Variants in GGACT observed in about 807,000 individuals in gnomAD.
GGACT encodes gamma-glutamylamine cyclotransferase.
For missense variants in GGACT, 241 were observed against 233.2 expected (o/e 1.03, Z -0.22); for synonymous variants, 118 against 115.3 (o/e 1.02, Z -0.15).
At chr13:100,571,434 G>A (rs181139480) in intron 2 of GGACT, among the ~76,000 whole-genome samples, 1 of 152,324 alleles carries the variant, frequency 6.6e-6, no homozygotes, top group East Asian at 1.9e-4. Context: ...ATGCTGTGCA[G>A]CAGAAGAAAG....
At chr13:100,556,742 G>A (rs930801948) in intron 2 of GGACT, among the ~76,000 whole-genome samples, 4 of 152,114 alleles carry the variant, frequency 2.6e-5, no homozygotes, top group Non-Finnish European at 5.9e-5. Context: ...CATATTGCAT[G>A]CTTGTATCAA....
intron 2 of GGACT, among the ~76,000 whole-genome samples, chr13:100,546,385 GAAAT>G (rs1256741062): frequency 7.7e-5 from 10 of 129,280 alleles, no homozygotes; most frequent in African/African-American, 2.7e-4. Flanking sequence ...AAAAAAAAAA[GAAAT>G]ACGCATGTGT....
intron 2 of GGACT, among the ~76,000 whole-genome samples, chr13:100,573,884 CAA>C (rs34897728): frequency 3.4e-5 from 4 of 119,172 alleles, no homozygotes; most frequent in African/African-American, 1.0e-4. Flanking sequence ...ATCAAAAAGT[CAA>C]AAAAAAAAAA....
intron 2 of GGACT, among the ~76,000 whole-genome samples, chr13:100,569,566 G>A (rs1445913824): frequency 6.6e-6 from 1 of 152,184 alleles, no homozygotes; most frequent in Non-Finnish European, 1.5e-5. Flanking sequence ...TTCCCTCCTA[G>A]GTCTCCAGGC....
chr13:100,551,795 A>C (rs2088667152), intron 2 of GGACT, among the ~76,000 whole-genome samples: 1 of 152,140 alleles, frequency 6.6e-6, no homozygotes, highest in Non-Finnish European at 1.5e-5. Context: ...TATAACAATG[A>C]TTATACTTAT....
chr13:100,551,060 G>A (rs1321003298), intron 2 of GGACT, among the ~76,000 whole-genome samples: 1 of 152,122 alleles, frequency 6.6e-6, no homozygotes, highest in Non-Finnish European at 1.5e-5. Flanking sequence ...CGAGGCGGGT[G>A]GATCATGAGA....
chr13:100,586,506 C>T (rs1034661305), intron 1 of GGACT, among the ~76,000 whole-genome samples: 3 of 148,182 alleles, frequency 2.0e-5, no homozygotes, highest in Admixed American at 6.7e-5. Flanking sequence ...CCTCCTCTCG[C>T]GGAGTCCAGC....
intron 2 of GGACT, among the ~76,000 whole-genome samples, chr13:100,573,829 C>A (rs1277986409): frequency 6.9e-6 from 1 of 145,480 alleles, no homozygotes; most frequent in African/African-American, 2.5e-5. Context: ...AAATGAAAAT[C>A]AAAACCACAA....
chr13:100,569,413 G>A (rs1279060272), intron 2 of GGACT, among the ~76,000 whole-genome samples: 3 of 152,244 alleles, frequency 2.0e-5, no homozygotes, highest in Non-Finnish European at 4.4e-5. Context: ...CTTGGGGCTT[G>A]TACTCTCTGA....
chr13:100,545,894 G>T lies in GGACT; in HGVS notation c.-10-13293C>A, dbSNP rs774749418. Among the ~76,000 whole-genome samples, 1 of 152,168 alleles carries T rather than the reference G, an allele frequency of 6.6e-6. No individual in the cohort carries two copies. Among genetic ancestry groups the T allele is most frequent in the African/African-American group, 2.4e-5 (1 of 41,412 alleles). On this transcript the variant is annotated intron_variant, in intron 2 of 2. Transcript: ENST00000683975. This position sits in a 1 kb window ranked among gnomAD's most constrained non-coding sequence, Gnocchi z 4.4. ...CCATCATGTCCCTTCCTACACATGCGTCAGCCAACCACATACTCGGAAAAT... is the reference window on the plus strand; with the variant it reads ...CCATCATGTCCCTTCCTACACATGCTTCAGCCAACCACATACTCGGAAAAT...
intron 2 of GGACT, chr13:100,538,476 A>G (rs1183990934): frequency 6.6e-6 from 1 of 152,214 alleles, no homozygotes; most frequent in Non-Finnish European, 1.5e-5. Flanking sequence ...TATCATAACT[A>G]TTTTCAAGTG....
At chr13:100,575,805 A>C (rs1179402118) in intron 2 of GGACT, among the ~76,000 whole-genome samples, 1 of 152,186 alleles carries the variant, frequency 6.6e-6, no homozygotes, top group African/African-American at 2.4e-5. Flanking sequence ...CTACAGTTAA[A>C]GGGCATTCAA....
chr13:100,550,079 T>C (rs1289238079), intron 2 of GGACT, among the ~76,000 whole-genome samples: 1 of 152,146 alleles, frequency 6.6e-6, no homozygotes, highest in Non-Finnish European at 1.5e-5. Flanking sequence ...CAATTCGGCA[T>C]GTGTCCCTGA....
At chr13:100,588,182 A>G (rs569476089) in intron 1 of GGACT, among the ~76,000 whole-genome samples, 9 of 152,360 alleles carry the variant, frequency 5.9e-5, no homozygotes, top group African/African-American at 2.2e-4. Flanking sequence ...CAGCAATGAT[A>G]ACCATAATTA....
chr13:100,567,999 G>A (rs1874957681), intron 2 of GGACT, among the ~76,000 whole-genome samples: 1 of 152,212 alleles, frequency 6.6e-6, no homozygotes, highest in Non-Finnish European at 1.5e-5. Context: ...AGGCAGGGCA[G>A]GTGAAGAACC....
chr13:100,542,546 A>C (rs768672887), intron 2 of GGACT, among the ~76,000 whole-genome samples: 11 of 152,216 alleles, frequency 7.2e-5, no homozygotes, highest in Non-Finnish European at 1.3e-4. Flanking sequence ...TTGGGTTCCT[A>C]GAGCCAATTC....
At chr13:100,550,883 C>A (rs1292364011) in intron 2 of GGACT, among the ~76,000 whole-genome samples, 3 of 152,040 alleles carry the variant, frequency 2.0e-5, no homozygotes, top group African/African-American at 7.2e-5. Context: ...CATGTTTACT[C>A]AGCCATTTTC....
chr13:100,548,541 G>A (rs1179759162), intron 2 of GGACT, among the ~76,000 whole-genome samples: 1 of 152,214 alleles, frequency 6.6e-6, no homozygotes, highest in Non-Finnish European at 1.5e-5. Flanking sequence ...AAAGATACAG[G>A]TGAGGCCCCT....
intron 2 of GGACT, among the ~76,000 whole-genome samples, chr13:100,543,024 G>A (rs538341553): frequency 6.6e-6 from 1 of 152,246 alleles, no homozygotes; most frequent in East Asian, 1.9e-4. Flanking sequence ...TGGCAAGAGT[G>A]TAAAAGGCAG....
Sources: gnomAD v4.1 joint callset for allele counts (sites outside exome capture counted in the v4.1 genomes callset) on GRCh38, gnomAD v4.1.1 for gene constraint, Gnocchi (gnomAD v3.1) non-coding constraint, MANE v1.5 for transcripts, NCBI Gene and HGNC (gene_info 2026-07-23, HGNC 2026-07-21) for gene names.